Variants in KDM2B observed in about 807,000 individuals in gnomAD.
KDM2B encodes lysine demethylase 2B.
KDM2B carries 26 observed loss-of-function variants against 150.0 expected under a neutral mutation model. That is an observed-to-expected ratio of 0.17 (90% CI 0.13 to 0.24). The LOEUF (loss-of-function observed/expected upper bound fraction) is 0.24. KDM2B is among the 10% of genes least tolerant of loss of function. KDM2B has a pLI of 1.00. For synonymous variants in KDM2B, 734 were observed against 729.5 expected, an observed-to-expected ratio of 1.01 and a Z score of -0.10; for missense variants, 1,265 against 1,816.9, an observed-to-expected ratio of 0.70 and a Z score of 5.52.
At position 121,467,272 on chromosome 12, in the gene KDM2B, G is replaced by T; in HGVS notation, c.1735-13928C>A. ...TGGCTGGAGCGGCGCCGCCGCCGCC[G>T]CCCGCCCGGAGCAGGCTCGGCTCGC... On this transcript the variant is annotated intron_variant, in intron 12 of 22. Transcript: ENST00000377071. This position sits in a 1 kb window ranked among gnomAD's most constrained non-coding sequence, Gnocchi z 5.1. 2 of 983,048 alleles carry T rather than the reference G, an allele frequency of 2.0e-6. No individual in the cohort carries two copies. 60.9% of individuals were successfully genotyped at this position (983,048 alleles called of 1,614,324 possible). A position where few individuals can be genotyped will look rare whatever the true frequency, so the allele number is the denominator to read the frequency against.
chr12:121,527,845 T>A (rs1313811314), intron 8 of KDM2B, among the ~76,000 whole-genome samples: 1 of 152,080 alleles, frequency 6.6e-6, no homozygotes, highest in Non-Finnish European at 1.5e-5. Context: ...AACTGTTAAC[T>A]ATAGCTCACC....
chr12:121,576,915 C>G (rs924282217), intron 2 of KDM2B, among the ~76,000 whole-genome samples: 3 of 152,162 alleles, frequency 2.0e-5, no homozygotes, highest in Admixed American at 6.5e-5. Context: ...AACTCCCCTC[C>G]GAAGAGAGAC....
rs1437556978 is a variant in KDM2B, at chr12:121,442,833, G to C, written c.2608C>G (p.Arg870Gly). 6.6e-7 allele frequency: 1 copy of C among 1,518,060 alleles called. No homozygotes were observed. Among genetic ancestry groups the C allele is most frequent in the Non-Finnish European group, 8.8e-7 (1 of 1,138,154 alleles). The allele number at this position is 1,518,060 out of a possible 1,614,324, so 94.0% of individuals were successfully genotyped here. The change falls in exon 19 of 23, where the codon CGG (arginine) becomes GGG (glycine). Residue 870 changes from arginine (R) to glycine (G), a missense_variant. Arg to Gly is a moderately radical substitution (Grantham distance 125). Around this residue, in one of 11 missense-constraint regions of KDM2B, gnomAD observed 418 missense variants for 402.4 expected, o/e 1.04. Coordinates refer to ENST00000377071, the MANE Select transcript of KDM2B (RefSeq NM_032590.5). The surrounding 1 kb of genome is among the most constrained non-coding windows in gnomAD (Gnocchi z 7.7). ...CGGTCCTCGGCGTTCTTCCAGGACC[G>C]CCGCTGAGGGCGAGAGCGGAGACGC... Reference protein sequence around the residue: ...KEDKLFRKKRRSWKNAEDRMA... With the variant: ...KEDKLFRKKRGSWKNAEDRMA...
chr12:121,441,717 C>T (rs367843380), intron 19 of KDM2B, among the ~76,000 whole-genome samples: 2 of 152,312 alleles, frequency 1.3e-5, no homozygotes, highest in African/African-American at 2.4e-5. Context: ...TGAGCCACTG[C>T]GCCCGGCCTC....
At chr12:121,418,896 G>C in the KDM2B span, among the ~76,000 whole-genome samples, 1 of 152,104 alleles carries the variant, frequency 6.6e-6, no homozygotes, top group Admixed American at 6.5e-5. Context: ...TAGTAAAGAT[G>C]GGGTTTCACC....
chr12:121,551,734 G>C (rs1463300838), intron 4 of KDM2B, among the ~76,000 whole-genome samples: 1 of 151,986 alleles, frequency 6.6e-6, no homozygotes, highest in South Asian at 2.1e-4. Context: ...CGTATTTTTA[G>C]TAGAGATGGA....
In KDM2B at chr12:121,453,276, C is replaced by G. The variant is rs782769923; in HGVS notation, c.1803G>C (p.Arg601=). 26 of 1,607,122 alleles carry G rather than the reference C, an allele frequency of 1.6e-5. No individual in the cohort carries two copies. Among genetic ancestry groups the G allele is most frequent in the Non-Finnish European group, 1.9e-5 (22 of 1,177,146 alleles). ...PASAVKLAAN[R]TTAGARRRRT... ...GGCGCCGCCGAGCTCCTGCCGTTGT[C>G]CGGTTGGCGGCCAACTTCACCGCGG... Residue 601 remains arginine, a synonymous_variant, in exon 13 of 23, where the codon CGG becomes CGC. Transcript: ENST00000377071. This position sits in a 1 kb window ranked among gnomAD's most constrained non-coding sequence, Gnocchi z 6.4.
intron 12 of KDM2B, chr12:121,470,603 T>C (rs1880671507): frequency 6.6e-6 from 1 of 152,248 alleles, no homozygotes; most frequent in South Asian, 2.1e-4. Context: ...AGGTGGGTAC[T>C]TGACAGATGA....
chr12:121,481,117 G>C (rs1882080540), intron 12 of KDM2B, among the ~76,000 whole-genome samples: 1 of 151,838 alleles, frequency 6.6e-6, no homozygotes, highest in African/African-American at 2.4e-5. Flanking sequence ...TTTCAGTAGA[G>C]ACAGGGTTTC....
In KDM2B at chr12:121,500,821, CCAGGCA is replaced by C. The variant is rs1385932301; in HGVS notation, c.1648-6162_1648-6157del. Among the ~76,000 whole-genome samples the C allele has an allele frequency of 2.0e-5, 3 of 152,340 alleles. No individual in the cohort carries two copies. In the East Asian group the frequency reaches 5.8e-4, roughly 29 times the overall value. Reference sequence around the variant, plus strand: ...GTGTCCCAAAAAATATGTGTTCAGGCCAGGCACAGTGGCTCCCGCCTGTAATCCCAG... The same window carrying C: ...GTGTCCCAAAAAATATGTGTTCAGGCCAGTGGCTCCCGCCTGTAATCCCAG... On this transcript the variant is annotated intron_variant, in intron 11 of 22. Coordinates refer to ENST00000377071, the MANE Select transcript of KDM2B (RefSeq NM_032590.5).
chr12:121,537,914 T>TCGGCGG lies in KDM2B; in HGVS notation c.684-3330_684-3325dup, dbSNP rs1211864504. Among the ~76,000 whole-genome samples the TCGGCGG allele has an allele frequency of 2.7e-5, 4 of 150,380 alleles. No homozygotes were observed. Among genetic ancestry groups the TCGGCGG allele is most frequent in the African/African-American group, 4.9e-5 (2 of 41,064 alleles). On this transcript the variant is annotated intron_variant, in intron 6 of 22. Coordinates refer to ENST00000377071, the MANE Select transcript of KDM2B (RefSeq NM_032590.5). This position sits in a 1 kb window ranked among gnomAD's most constrained non-coding sequence, Gnocchi z 8.7. Reference sequence around the variant, plus strand: ...CGGGCAGCGCGGCCCGCGGTTACCCTCGGCGGCGGCGGCGGCGGCTCCCGT... The same window carrying TCGGCGG: ...CGGGCAGCGCGGCCCGCGGTTACCCTCGGCGGCGGCGGCGGCGGCGGCGGCTCCCGT...
intron 11 of KDM2B, among the ~76,000 whole-genome samples, chr12:121,495,456 C>T (rs1883828492): frequency 6.6e-6 from 1 of 152,168 alleles, no homozygotes; most frequent in African/African-American, 2.4e-5. Context: ...CCAACACGCC[C>T]AGCCATAATT....
Position 121,444,456 on chromosome 12 carries a change from G to T in KDM2B, c.2184C>A (p.Thr728=), listed in dbSNP as rs782441665. Residue 728 remains threonine (T), a synonymous_variant, in exon 15 of 23, where the codon ACC becomes ACA. Coordinates refer to ENST00000377071, the MANE Select transcript of KDM2B (RefSeq NM_032590.5). ...ECPKCNHAGK[T]GKQKRGPGFK... ...CTTGGAGCCCGGCACTCACTTTCCC[G>T]GTCTTGCCGGCGTGGTTACACTTCG... 6 of 1,614,088 alleles carry T rather than the reference G, an allele frequency of 3.7e-6. No individual in the cohort carries two copies. Among genetic ancestry groups the T allele is most frequent in the Admixed American group, 1.7e-5 (1 of 60,022 alleles).
chr12:121,491,352 G>A (rs1883324940), intron 12 of KDM2B, among the ~76,000 whole-genome samples: 1 of 152,154 alleles, frequency 6.6e-6, no homozygotes, highest in African/African-American at 2.4e-5. Context: ...TCTGGAAGCT[G>A]CTGTGTATAC....
intron 6 of KDM2B, 173 bp from the exon 7 acceptor site, chr12:121,534,763 GC>G: frequency 1.7e-6 from 1 of 577,206 alleles, no homozygotes; most frequent in Non-Finnish European, 3.1e-6. Flanking sequence ...CACGGGGGAA[GC>G]CCCTGTGATC....
At position 121,549,442 on chromosome 12, in the gene KDM2B, C is replaced by A; in HGVS notation, c.576+18G>T. 9 of 1,567,862 alleles carry A rather than the reference C, an allele frequency of 5.7e-6. No individual in the cohort carries two copies. Among genetic ancestry groups the A allele is most frequent in the South Asian group, 2.3e-5 (2 of 86,264 alleles). On this transcript the variant is annotated intron_variant, in intron 5 of 22. Coordinates refer to ENST00000377071, the MANE Select transcript of KDM2B (RefSeq NM_032590.5). This position sits in a 1 kb window ranked among gnomAD's most constrained non-coding sequence, Gnocchi z 4.4. The stretch of plus-strand genomic sequence containing the variant: ...AGGTGGAAGGTATCTGGGGAGGGTA[C>A]CTGGGCCCCGGACCTACCACAGTCG...
chr12:121,478,702 T>C (rs1881683218), intron 12 of KDM2B, among the ~76,000 whole-genome samples: 1 of 151,178 alleles, frequency 6.6e-6, no homozygotes, highest in East Asian at 2.0e-4. Context: ...TTTTTTTCTT[T>C]TTGAACACAG....
chr12:121,471,696 GT>G (rs1555295932), intron 12 of KDM2B, among the ~76,000 whole-genome samples: 1 of 152,128 alleles, frequency 6.6e-6, no homozygotes, highest in Non-Finnish European at 1.5e-5. Flanking sequence ...CCCTTTCCTT[GT>G]GCCCATGTCA....
the KDM2B span, chr12:121,416,600 C>G: frequency 1.3e-5 from 6 of 473,290 alleles, no homozygotes; most frequent in South Asian, 1.6e-4. Flanking sequence ...TTCTCCTGAA[C>G]TTTGACCTGT....
Sources: allele counts gnomAD v4.1 joint callset (sites outside exome capture counted in the v4.1 genomes callset), GRCh38; gene constraint gnomAD v4.1.1; regional missense constraint gnomAD v4.1.1; non-coding constraint Gnocchi (gnomAD v3.1); transcripts MANE v1.5; gene names NCBI Gene and HGNC (gene_info 2026-07-23, HGNC 2026-07-21).